Variants in WDR49 observed in about 807,000 individuals in gnomAD.
WDR49 encodes the protein WD repeat domain 49.
Under a neutral mutation model 119.5 loss-of-function variants are expected in WDR49, and 107 were observed. That is an observed-to-expected ratio of 0.90 (90% CI 0.77 to 1.05). The LOEUF is 1.05. WDR49 is among the 50% of genes least tolerant of loss of function. The pLI is 0.00. For missense variants in WDR49, 1,240 were observed against 1,220.5 expected (o/e 1.02, Z -0.24); for synonymous variants, 425 against 418.8 (o/e 1.01, Z -0.18).
chr3:167,529,015 A>C, intron 14 of WDR49, 37 bp downstream of exon 14: 1 of 1,481,670 alleles, frequency 6.7e-7, no homozygotes, highest in Non-Finnish European at 8.9e-7. Context: ...GGTCACCAAA[A>C]ATCTTAAAGG....
At chr3:167,512,936 C>T (rs559551433) in intron 16 of WDR49, among the ~76,000 whole-genome samples, 2 of 152,120 alleles carry the variant, frequency 1.3e-5, no homozygotes, top group South Asian at 4.2e-4. Flanking sequence ...CAAATGAAGC[C>T]TCTGAGAACT....
intron 18 of WDR49, among the ~76,000 whole-genome samples, chr3:167,492,460 C>G (rs1751178379): frequency 6.6e-6 from 1 of 151,948 alleles, no homozygotes; most frequent in Admixed American, 6.6e-5. Context: ...GCCACAAATT[C>G]TTTATATAGA....
At chr3:167,484,838 A>G (rs1304202063) in intron 18 of WDR49, among the ~76,000 whole-genome samples, 3 of 152,152 alleles carry the variant, frequency 2.0e-5, no homozygotes, top group African/African-American at 4.8e-5. Context: ...CAGCAATCCC[A>G]TTACTGGGGT....
chr3:167,605,890 T>G (rs1049940647), intron 5 of WDR49, among the ~76,000 whole-genome samples: 1 of 152,196 alleles, frequency 6.6e-6, no homozygotes, highest in Admixed American at 6.6e-5. Context: ...AACTCTTAAG[T>G]TTGGTGTCAT....
chr3:167,518,940 AC>A (rs1223099612), intron 16 of WDR49, among the ~76,000 whole-genome samples: 33 of 151,160 alleles, frequency 2.2e-4, no homozygotes, highest in African/African-American at 1.2e-4. Context: ...AAAAAAAAAA[AC>A]AACCCCATTA....
At chr3:167,657,319 T>C (rs1718628172), upstream of WDR49, among the ~76,000 whole-genome samples, 1 of 152,222 alleles carries the variant, frequency 6.6e-6, no homozygotes, top group South Asian at 2.1e-4. Flanking sequence ...TTAGTTTCTA[T>C]GTATATAAAA....
intron 16 of WDR49, among the ~76,000 whole-genome samples, chr3:167,505,835 A>C (rs1470859733): frequency 1.3e-5 from 2 of 152,220 alleles, no homozygotes; most frequent in Non-Finnish European, 2.9e-5. Context: ...TATGGCATCC[A>C]AAATGCAAAG....
chr3:167,521,461 G>A lies in WDR49; in HGVS notation c.2774+854C>T, dbSNP rs573775311. Reference sequence around the variant, plus strand: ...GAAAACTGTGACTACTGAGTTAAAGGGAAGAAGAAAAGACAGTTCTCTCTG... The same window carrying A: ...GAAAACTGTGACTACTGAGTTAAAGAGAAGAAGAAAAGACAGTTCTCTCTG... On this transcript the variant is annotated intron_variant, in intron 16 of 18. Coordinates refer to ENST00000682715, the MANE Select transcript of WDR49 (RefSeq NM_001366157.1). Among the ~76,000 whole-genome samples, 85 of 152,226 alleles carry A rather than the reference G, an allele frequency of 5.6e-4. 1 individual carries two copies. Among genetic ancestry groups the A allele is most frequent in the Middle Eastern group, 3.4e-3 (1 of 292 alleles).
chr3:167,565,412 C>CACACACACACACAT lies in WDR49; in HGVS notation c.1510-5185_1510-5184insATGTGTGTGTGTGT, dbSNP rs144511770. 5.7e-4 allele frequency among the ~76,000 whole-genome samples: 84 copies of CACACACACACACAT among 146,966 alleles called. 1 individual carries two copies. Among genetic ancestry groups the CACACACACACACAT allele is most frequent in the East Asian group, 5.3e-3 (27 of 5,060 alleles). On this transcript the variant is annotated intron_variant, in intron 8 of 18. Coordinates refer to ENST00000682715, the MANE Select transcript of WDR49 (RefSeq NM_001366157.1). The stretch of plus-strand genomic sequence containing the variant: ...ACACACACACACACACACACACACA[C>CACACACACACACAT]TTATATGTAAAATGCATGTGTATAT...
In WDR49 at chr3:167,551,396, T is replaced by G. The variant is rs538526136; in HGVS notation, c.1823+3254A>C. Among the ~76,000 whole-genome samples the G allele has an allele frequency of 2.6e-5, 4 of 152,162 alleles. No individual in the cohort carries two copies. In the South Asian group the frequency reaches 6.2e-4, roughly 24 times the overall value. ...GTTGTTGTTAAGTTGCTACCACATG[T>G]TTTTTTGTGTGTTTCTTCATATGTA... On this transcript the variant is annotated intron_variant, in intron 10 of 18. Transcript: ENST00000682715.
intron 6 of WDR49, 58 bp downstream of exon 6, chr3:167,604,243 A>G: frequency 6.3e-7 from 1 of 1,583,316 alleles, no homozygotes; most frequent in Non-Finnish European, 8.6e-7. Context: ...ATGCATACAA[A>G]TATACATCCC....
chr3:167,509,711 G>A (rs1751893959), intron 16 of WDR49, among the ~76,000 whole-genome samples: 3 of 152,038 alleles, frequency 2.0e-5, no homozygotes, highest in Non-Finnish European at 4.4e-5. Context: ...TTCTAATTAT[G>A]AATTCAATAA....
intron 15 of WDR49, among the ~76,000 whole-genome samples, chr3:167,522,762 T>C (rs1310996103): frequency 6.6e-6 from 1 of 152,164 alleles, no homozygotes; most frequent in African/African-American, 2.4e-5. Flanking sequence ...TTTTTACCAT[T>C]CCCATTTTAA....
intron 2 of WDR49, among the ~76,000 whole-genome samples, chr3:167,642,385 C>A (rs1434911450): frequency 6.6e-6 from 1 of 151,668 alleles, no homozygotes; most frequent in Admixed American, 6.6e-5. Context: ...ATATACATTA[C>A]AGAATAAAGC....
chr3:167,648,827 T>C (rs765929498), intron 2 of WDR49, among the ~76,000 whole-genome samples: 1 of 152,182 alleles, frequency 6.6e-6, no homozygotes, highest in Non-Finnish European at 1.5e-5. Context: ...TGCTTGCAAC[T>C]GCTTACCCAT....
intron 7 of WDR49, among the ~76,000 whole-genome samples, chr3:167,586,867 A>G (rs1714845445): frequency 6.6e-6 from 1 of 152,212 alleles, no homozygotes; most frequent in South Asian, 2.1e-4. Flanking sequence ...GCTGTACATA[A>G]TCACCTGTGA....
chr3:167,605,012 TTGTGTGTG>T lies in WDR49; in HGVS notation c.959-552_959-545del, dbSNP rs370361855. Reference sequence around the variant, plus strand: ...TTTTGGTATAATAACTTAATTTGCTTTGTGTGTGTGTGTGTGTGTGTGTGTGTGTGTGT... The same window carrying T: ...TTTTGGTATAATAACTTAATTTGCTTTGTGTGTGTGTGTGTGTGTGTGTGT... On this transcript the variant is annotated intron_variant, in intron 5 of 18. Transcript: ENST00000682715. 8.3e-3 allele frequency among the ~76,000 whole-genome samples: 1,194 copies of T among 143,454 alleles called. 13 individuals carry two copies. The highest frequency in any genetic ancestry group is 0.029 in the African/African-American group (1,126 of 39,484). 94.1% of individuals were successfully genotyped at this position (143,454 alleles called of 152,430 possible).
At chr3:167,607,940 G>A (rs192938269) in intron 5 of WDR49, among the ~76,000 whole-genome samples, 177 of 152,124 alleles carry the variant, frequency 1.2e-3, no homozygotes, top group Non-Finnish European at 1.6e-3. Flanking sequence ...AAAAAGGGAC[G>A]GAGGGAGGAA....
chr3:167,649,221 T>C (rs1393299892), intron 2 of WDR49, among the ~76,000 whole-genome samples: 1 of 151,770 alleles, frequency 6.6e-6, no homozygotes, highest in African/African-American at 2.4e-5. Flanking sequence ...ACCTTAGTAG[T>C]GAAGGTACAA....
Sources: allele counts gnomAD v4.1 joint callset (sites outside exome capture counted in the v4.1 genomes callset), GRCh38; gene constraint gnomAD v4.1.1; transcripts MANE v1.5; gene names NCBI Gene and HGNC (gene_info 2026-07-23, HGNC 2026-07-21).